CHRM3: variants seen among roughly 807,000 people sequenced by gnomAD.
CHRM3 encodes the protein cholinergic receptor muscarinic 3.
A neutral mutation model predicts 41.8 loss-of-function variants in CHRM3; 11 were observed. The ratio of observed to expected loss-of-function variants is 0.26; its 90% confidence interval spans 0.17 to 0.44. The LOEUF is 0.44. Ranked by LOEUF, CHRM3 falls within the 20% of genes least tolerant of loss-of-function variation. The pLI is 1.00. For missense variants in CHRM3, 571 were observed against 745.4 expected, an observed-to-expected ratio of 0.77 and a Z score of 2.72; for synonymous variants, 297 against 301.4, an observed-to-expected ratio of 0.99 and a Z score of 0.15.
chr1:239,659,255 G>A (rs770791563), intron 4 of CHRM3, among the ~76,000 whole-genome samples: 16 of 152,116 alleles, frequency 1.1e-4, no homozygotes, highest in Non-Finnish European at 2.4e-4. Context: ...CTTCTCTGCT[G>A]TTATCTTCTT....
At chr1:239,649,283 A>G (rs1231613111) in intron 4 of CHRM3, among the ~76,000 whole-genome samples, 2 of 152,166 alleles carry the variant, frequency 1.3e-5, no homozygotes, top group African/African-American at 4.8e-5. Flanking sequence ...GGCACCATCT[A>G]TGAAGCAGAA....
At chr1:239,795,500 C>T (rs930713077) in intron 5 of CHRM3, among the ~76,000 whole-genome samples, 1 of 152,154 alleles carries the variant, frequency 6.6e-6, no homozygotes, top group African/African-American at 2.4e-5. Context: ...TTTTGTGAAG[C>T]AGATTTCCTC....
At chr1:239,764,502 G>T (rs888694623) in intron 5 of CHRM3, among the ~76,000 whole-genome samples, 9 of 152,186 alleles carry the variant, frequency 5.9e-5, no homozygotes, top group African/African-American at 2.2e-4. Context: ...TGTGTATTGG[G>T]CATGAGACTT....
chr1:239,534,259 G>C (rs1657982816), intron 2 of CHRM3, among the ~76,000 whole-genome samples: 1 of 152,190 alleles, frequency 6.6e-6, no homozygotes, highest in South Asian at 2.1e-4. Flanking sequence ...CCGGGAGGCA[G>C]AAGTTGCAGT....
intron 3 of CHRM3, among the ~76,000 whole-genome samples, chr1:239,591,376 C>T (rs1038517674): frequency 6.6e-6 from 1 of 152,148 alleles, no homozygotes; most frequent in African/African-American, 2.4e-5. Context: ...TCTGACATTT[C>T]CTGGCACAGA....
chr1:239,845,869 G>GT (rs1278869690), intron 6 of CHRM3, among the ~76,000 whole-genome samples: 3 of 152,158 alleles, frequency 2.0e-5, no homozygotes, highest in African/African-American at 4.8e-5. Context: ...CATTATTTTT[G>GT]TTTTTCCAAA....
chr1:239,899,756 G>T (rs915968487), intron 6 of CHRM3: 4 of 151,986 alleles, frequency 2.6e-5, no homozygotes, highest in Non-Finnish European at 5.9e-5. Context: ...GGCACTGATG[G>T]TACCCACGTG....
intron 3 of CHRM3, among the ~76,000 whole-genome samples, chr1:239,593,051 C>A (rs940528505): frequency 1.3e-5 from 2 of 152,018 alleles, no homozygotes; most frequent in Non-Finnish European, 2.9e-5. Context: ...TGCTGCAGCC[C>A]ATGTCTAGCC....
chr1:239,746,488 C>G (rs972680633), intron 5 of CHRM3, among the ~76,000 whole-genome samples: 1 of 152,126 alleles, frequency 6.6e-6, no homozygotes, highest in African/African-American at 2.4e-5. Context: ...AGAAGATATA[C>G]TTGATATGTG....
chr1:239,549,782 C>G (rs1056575568), intron 3 of CHRM3, among the ~76,000 whole-genome samples: 1 of 151,718 alleles, frequency 6.6e-6, no homozygotes, highest in African/African-American at 2.4e-5. Flanking sequence ...TCATTCAGTA[C>G]CACAGGGCCA....
chr1:239,446,264 A>G (rs1664149663), intron 1 of CHRM3, among the ~76,000 whole-genome samples: 2 of 152,220 alleles, frequency 1.3e-5, no homozygotes, highest in Non-Finnish European at 2.9e-5. Flanking sequence ...TTCAAGACAG[A>G]AGAAATAACA....
In CHRM3 at chr1:239,563,599, A is replaced by G. The variant is rs374921210; in HGVS notation, c.-313+17850A>G. Among the ~76,000 whole-genome samples, 74 of 152,296 alleles carry G rather than the reference A, an allele frequency of 4.9e-4. 2 individuals carry two copies. The East Asian group carries it at 0.011, about 22-fold the overall frequency. On this transcript the variant is annotated intron_variant, in intron 3 of 6. Coordinates refer to ENST00000676153, the MANE Select transcript of CHRM3 (RefSeq NM_001375978.1). Reference sequence around the variant, plus strand: ...AATCTAGATTTTTTTTGTTTGTACTACAGCAGCGATTTGTTTCAAGAGAAG... The same window carrying G: ...AATCTAGATTTTTTTTGTTTGTACTGCAGCAGCGATTTGTTTCAAGAGAAG...
chr1:239,838,895 A>T (rs980361152), intron 6 of CHRM3, among the ~76,000 whole-genome samples: 2 of 152,246 alleles, frequency 1.3e-5, no homozygotes, highest in South Asian at 4.1e-4. Context: ...ATGCTTTTAT[A>T]TACTCAGGGA....
chr1:239,605,359 T>C (rs1666121802), intron 3 of CHRM3, among the ~76,000 whole-genome samples: 1 of 152,170 alleles, frequency 6.6e-6, no homozygotes, highest in Non-Finnish European at 1.5e-5. Context: ...TACAGTAACA[T>C]ACTGTACAGA....
chr1:239,416,933 C>T (rs138310142), intron 1 of CHRM3, among the ~76,000 whole-genome samples: 23 of 152,272 alleles, frequency 1.5e-4, no homozygotes, highest in African/African-American at 5.5e-4. Flanking sequence ...CAAAGATGGC[C>T]TGTCAGTTTC....
chr1:239,601,237 TGGTGATGGATG>T (rs1431709293), intron 3 of CHRM3, among the ~76,000 whole-genome samples: 1 of 152,166 alleles, frequency 6.6e-6, no homozygotes, highest in Non-Finnish European at 1.5e-5. Flanking sequence ...CTGTGCTGTT[TGGTGATGGATG>T]GGAGGTTTGA....
chr1:239,689,482 A>C (rs1245746727), intron 5 of CHRM3, among the ~76,000 whole-genome samples: 1 of 152,204 alleles, frequency 6.6e-6, no homozygotes, highest in Non-Finnish European at 1.5e-5. Context: ...TAAAAGGATT[A>C]CAAAATAGCA....
chr1:239,886,674 T>C (rs1020354502), intron 6 of CHRM3: 3 of 152,210 alleles, frequency 2.0e-5, no homozygotes, highest in African/African-American at 7.2e-5. Flanking sequence ...TTCATTAACA[T>C]TCATTTCCAG....
chr1:239,861,492 G>A (rs1675637446), intron 6 of CHRM3, among the ~76,000 whole-genome samples: 1 of 152,102 alleles, frequency 6.6e-6, no homozygotes, highest in African/African-American at 2.4e-5. Flanking sequence ...AGATGATTGA[G>A]GCATTAGAAT....
Sources: gnomAD v4.1 joint callset for allele counts (sites outside exome capture counted in the v4.1 genomes callset) on GRCh38, gnomAD v4.1.1 for gene constraint, MANE v1.5 for transcripts, NCBI Gene and HGNC (gene_info 2026-07-23, HGNC 2026-07-21) for gene names.